Variants in TEX11 observed in about 807,000 individuals in gnomAD.
TEX11 encodes the protein testis expressed 11, also known as testis-expressed protein 11.
In TEX11, 7 loss-of-function variants were observed where a neutral mutation model predicts 84.4. The ratio of observed to expected loss-of-function variants is 0.08; its 90% CI spans 0.05 to 0.16. The LOEUF (loss-of-function observed/expected upper bound fraction) is 0.16, where lower values mean the gene tolerates loss of function less well. Among genes scored for constraint, TEX11 ranks in the 10% least tolerant of loss-of-function variants. TEX11 has a pLI of 1.00. For synonymous variants in TEX11, 264 were observed against 222.8 expected (o/e 1.18, Z -1.64); for missense variants, 551 against 660.5 (o/e 0.83, Z 1.82).
intron 13 of TEX11, among the ~76,000 whole-genome samples, chrX:70,685,173 G>A (rs1414853149): frequency 8.9e-6 from 1 of 111,817 alleles, no homozygotes; most frequent in Non-Finnish European, 1.9e-5. Flanking sequence ...AGACCAGCCT[G>A]GCCAATGTGG....
At chrX:70,905,303 C>T (rs915426921) in intron 2 of TEX11, among the ~76,000 whole-genome samples, 2 of 110,566 alleles carry the variant, frequency 1.8e-5, no homozygotes, top group Non-Finnish European at 3.8e-5. Flanking sequence ...CCAGCCTGGA[C>T]GACAGAGTGA....
chrX:70,637,902 C>T (rs996947567), intron 17 of TEX11, among the ~76,000 whole-genome samples: 3 of 108,600 alleles, frequency 2.8e-5, no homozygotes, highest in Non-Finnish European at 3.8e-5. Flanking sequence ...ACATCCTGCA[C>T]ATGTCCCCCT....
chrX:70,602,174 C>G (rs1373283061), intron 24 of TEX11, among the ~76,000 whole-genome samples: 1 of 111,987 alleles, frequency 8.9e-6, no homozygotes, highest in Non-Finnish European at 1.9e-5. Flanking sequence ...GGCTGACCCC[C>G]CCACCTCCCT....
At chrX:70,630,702 AC>A (rs377228873) in intron 17 of TEX11, among the ~76,000 whole-genome samples, 131 of 112,228 alleles carry the variant, frequency 1.2e-3, no homozygotes, top group African/African-American at 4.1e-3. Context: ...TGACCAAATG[AC>A]CAATTAAAAG....
intron 25 of TEX11, among the ~76,000 whole-genome samples, chrX:70,561,658 T>G (rs1168456518): frequency 9.0e-6 from 1 of 110,787 alleles, no homozygotes; most frequent in Non-Finnish European, 1.9e-5. Context: ...AGTGCTGAGA[T>G]TACAGGTGTG....
At chrX:70,594,349 C>A (rs1023733386) in intron 24 of TEX11, among the ~76,000 whole-genome samples, 26 of 111,013 alleles carry the variant, frequency 2.3e-4, no homozygotes, top group Non-Finnish European at 4.9e-4. Context: ...GACAATCTTT[C>A]AGGCTGAAAA....
intron 25 of TEX11, among the ~76,000 whole-genome samples, chrX:70,584,247 C>T (rs2088821433): frequency 9.7e-6 from 1 of 103,311 alleles, no homozygotes; most frequent in African/African-American, 3.6e-5. Context: ...TACGCCACTG[C>T]AGTCCGCAGT....
At chrX:70,548,959 C>T (rs776731151) in intron 28 of TEX11, among the ~76,000 whole-genome samples, 1 of 111,380 alleles carries the variant, frequency 9.0e-6, no homozygotes, top group Non-Finnish European at 1.9e-5. Context: ...CACGACCCCT[C>T]CCTCAACCCC....
chrX:70,679,494 G>A lies in TEX11; in HGVS notation c.1157-605C>T, dbSNP rs767292427. Among the ~76,000 whole-genome samples the A allele has an allele frequency of 6.4e-3, 673 of 105,324 alleles. 5 individuals are homozygous for A. Among genetic ancestry groups the A allele is most frequent in the African/African-American group, 0.022 (641 of 28,568 alleles). The allele number at this position is 105,324 out of a possible 115,157, so 91.5% of individuals were successfully genotyped here. On this transcript the variant is annotated intron_variant, in intron 14 of 29. Coordinates refer to ENST00000374333, the MANE Select transcript of TEX11 (RefSeq NM_031276.3). Reference sequence around the variant, plus strand: ...GCCGCCATCCCATCTAGGAAGTGAGGAGCGCCTCTTCCCGGCCGCCATCCC... The same window carrying A: ...GCCGCCATCCCATCTAGGAAGTGAGAAGCGCCTCTTCCCGGCCGCCATCCC...
chrX:70,517,991 A>G, the TEX11 span, among the ~76,000 whole-genome samples: 21 of 104,629 alleles, frequency 2.0e-4, no homozygotes, highest in East Asian at 5.7e-3. Context: ...TTTTTATTGC[A>G]TCTATTTGAT....
chrX:70,598,656 T>C (rs2089043166), intron 24 of TEX11, among the ~76,000 whole-genome samples: 1 of 112,382 alleles, frequency 8.9e-6, no homozygotes, highest in South Asian at 3.7e-4. Context: ...AAATGTGATA[T>C]ATTTATACAA....
chrX:70,685,660 A>G (rs1486897458), intron 13 of TEX11, among the ~76,000 whole-genome samples: 1 of 112,056 alleles, frequency 8.9e-6, no homozygotes, highest in East Asian at 2.8e-4. Flanking sequence ...AAACTTCAAT[A>G]AAATGAAAAG....
At chrX:70,878,031 T>C (rs1184777596) in intron 3 of TEX11, among the ~76,000 whole-genome samples, 2 of 111,557 alleles carry the variant, frequency 1.8e-5, no homozygotes, top group Admixed American at 1.9e-4. Flanking sequence ...GATGGTAAAT[T>C]TTGTGTTATG....
intron 4 of TEX11, among the ~76,000 whole-genome samples, chrX:70,872,624 T>C (rs988221540): frequency 8.9e-5 from 10 of 112,273 alleles, no homozygotes; most frequent in African/African-American, 3.2e-4. Context: ...CACTAGAACA[T>C]TGCCAGACAG....
chrX:70,676,020 T>C (rs1416237241), intron 15 of TEX11, among the ~76,000 whole-genome samples: 5 of 112,083 alleles, frequency 4.5e-5, no homozygotes, highest in African/African-American at 1.3e-4. Flanking sequence ...CAGGCTTATG[T>C]CACTTAGCAT....
intron 16 of TEX11, among the ~76,000 whole-genome samples, chrX:70,666,159 A>G (rs2089974456): frequency 8.9e-6 from 1 of 112,084 alleles, no homozygotes; most frequent in South Asian, 3.8e-4. Flanking sequence ...TAACTAAAAT[A>G]TAATGAGAAA....
Position 70,642,373 on chromosome X carries a change from T to A in TEX11, c.1483+9077A>T, listed in dbSNP as rs1187888804. On this transcript the variant is annotated intron_variant, in intron 17 of 29. Coordinates refer to ENST00000374333, the MANE Select transcript of TEX11 (RefSeq NM_031276.3). ...GAACCGGTACCATTCCTTCTGAAAC[T>A]ATTCCAATCAATAGAAAAAGAGGGA... Among the ~76,000 whole-genome samples, 6 of 111,324 alleles carry A rather than the reference T, an allele frequency of 5.4e-5. No individual in the cohort carries two copies. The East Asian group carries it at 1.4e-3, about 26-fold the overall frequency.
rs2091675039 is a variant in TEX11, at chrX:70,880,086, T to A, written c.61A>T (p.Asn21Tyr). 8.4e-7 allele frequency: 1 copy of A among 1,183,735 alleles called. No homozygotes were observed. The highest frequency in any genetic ancestry group is 1.8e-5 in the African/African-American group (1 of 56,645). Reference protein sequence around the residue: ...FKEVVENLVTNDNSPNIPEAI... With the variant: ...FKEVVENLVTYDNSPNIPEAI... ...TCTGGTATGTTAGGTGAATTATCAT[T>A]TGTAACCAGGTTTTCAACAACTTCT... Residue 21 changes from asparagine to tyrosine, a missense_variant, in exon 3 of 30, where the codon AAT becomes TAT. Asn to Tyr is a moderately radical substitution (Grantham distance 143, BLOSUM62 -2). Coordinates refer to ENST00000374333, the MANE Select transcript of TEX11 (RefSeq NM_031276.3).
intron 25 of TEX11, among the ~76,000 whole-genome samples, chrX:70,573,032 C>A (rs1380648890): frequency 9.0e-6 from 1 of 111,548 alleles, no homozygotes; most frequent in East Asian, 2.8e-4. Flanking sequence ...TTTCCAGATT[C>A]ACATTTGTCC....
Sources: allele counts gnomAD v4.1 joint callset (sites outside exome capture counted in the v4.1 genomes callset), GRCh38; gene constraint gnomAD v4.1.1; transcripts MANE v1.5; gene names NCBI Gene and HGNC (gene_info 2026-07-23, HGNC 2026-07-21).